Variants in UNC5D observed in about 807,000 individuals in gnomAD.
UNC5D encodes the protein unc-5 netrin receptor D.
Under a neutral mutation model 105.4 loss-of-function variants are expected in UNC5D, and 39 were observed. The observed-to-expected ratio is 0.37, with a 90% CI of 0.29 to 0.48. The LOEUF (loss-of-function observed/expected upper bound fraction) is 0.48, where lower values mean the gene tolerates loss of function less well. Among genes scored for constraint, UNC5D ranks in the 20% least tolerant of loss-of-function variants. The probability of loss-of-function intolerance (pLI) is 0.98; values close to 1 mark genes in which losing one functional copy is unlikely to be tolerated. For missense variants in UNC5D, 991 were observed against 1,202.4 expected, an observed-to-expected ratio of 0.82 and a Z score of 2.60; for synonymous variants, 452 against 450.4, an observed-to-expected ratio of 1.00 and a Z score of -0.04.
intron 1 of UNC5D, among the ~76,000 whole-genome samples, chr8:35,538,697 A>G (rs539129184): frequency 6.6e-6 from 1 of 151,896 alleles, no homozygotes; most frequent in Admixed American, 6.6e-5. Flanking sequence ...AGAGGGAATC[A>G]ATGGGGTTTA....
chr8:35,645,242 G>A (rs1017440839), intron 4 of UNC5D, among the ~76,000 whole-genome samples: 2 of 152,038 alleles, frequency 1.3e-5, no homozygotes, highest in African/African-American at 2.4e-5. Flanking sequence ...GATGCACAGG[G>A]GAATTACTTT....
chr8:35,365,409 C>T (rs1585676229), intron 1 of UNC5D, among the ~76,000 whole-genome samples: 1 of 151,728 alleles, frequency 6.6e-6, no homozygotes, highest in Admixed American at 6.6e-5. Flanking sequence ...ACTAATATAG[C>T]AATAATTCCA....
At chr8:35,650,180 G>C (rs1823315969) in intron 4 of UNC5D, among the ~76,000 whole-genome samples, 1 of 152,152 alleles carries the variant, frequency 6.6e-6, no homozygotes, top group Non-Finnish European at 1.5e-5. Context: ...ACCTGTATCA[G>C]AAAAATAATT....
chr8:35,395,264 A>G (rs989647743), intron 1 of UNC5D, among the ~76,000 whole-genome samples: 4 of 152,230 alleles, frequency 2.6e-5, no homozygotes, highest in Admixed American at 6.5e-5. Flanking sequence ...ATCTAGCACT[A>G]TAACTTGACT....
At chr8:35,782,440 T>C (rs1802544129) in intron 16 of UNC5D, among the ~76,000 whole-genome samples, 1 of 152,176 alleles carries the variant, frequency 6.6e-6, no homozygotes, top group South Asian at 2.1e-4. Context: ...AATGATGTTT[T>C]CCAGTTTATT....
chr8:35,774,926 C>CAAAAAAAAAAAAAA (rs548702956), intron 16 of UNC5D, among the ~76,000 whole-genome samples: 20 of 120,356 alleles, frequency 1.7e-4, no homozygotes, highest in African/African-American at 6.8e-4. Context: ...GACCCTCCTC[C>CAAAAAAAAAAAAAA]AAAAAAAAAA....
At chr8:35,525,091 C>T in intron 1 of UNC5D, 6 of 1,412,972 alleles carry the variant, frequency 4.2e-6, no homozygotes, top group Middle Eastern at 5.0e-4. Flanking sequence ...TATAGGATCC[C>T]TTCCCTCCCC....
intron 16 of UNC5D, among the ~76,000 whole-genome samples, chr8:35,777,418 A>C (rs1000527139): frequency 2.0e-5 from 3 of 152,224 alleles, no homozygotes; most frequent in Non-Finnish European, 2.9e-5. Context: ...CAAAACAATA[A>C]TACTAAATAA....
At chr8:35,473,298 A>G (rs1395299760) in intron 1 of UNC5D, among the ~76,000 whole-genome samples, 1 of 152,176 alleles carries the variant, frequency 6.6e-6, no homozygotes, top group Non-Finnish European at 1.5e-5. Flanking sequence ...GCTATTGCAA[A>G]TTAGCGAACT....
At chr8:35,392,567 T>A (rs1803842042) in intron 1 of UNC5D, among the ~76,000 whole-genome samples, 1 of 152,230 alleles carries the variant, frequency 6.6e-6, no homozygotes, top group Non-Finnish European at 1.5e-5. Context: ...CTATTCATTC[T>A]TCGCAAAGTT....
At chr8:35,364,542 G>A (rs555478328) in intron 1 of UNC5D, among the ~76,000 whole-genome samples, 1 of 152,244 alleles carries the variant, frequency 6.6e-6, no homozygotes, top group African/African-American at 2.4e-5. Flanking sequence ...TTACAGAATA[G>A]TATTTGGAAA....
intron 1 of UNC5D, among the ~76,000 whole-genome samples, chr8:35,271,737 ATATAT>A (rs1563268450): frequency 7.9e-6 from 1 of 126,258 alleles, no homozygotes; most frequent in African/African-American, 3.1e-5. Flanking sequence ...ATGTATACAT[ATATAT>A]TTATACATGT....
chr8:35,266,165 A>T (rs1804858522), intron 1 of UNC5D, among the ~76,000 whole-genome samples: 1 of 152,176 alleles, frequency 6.6e-6, no homozygotes, highest in African/African-American at 2.4e-5. Flanking sequence ...ACCACCTTTC[A>T]CTAAATTTGA....
At chr8:35,739,436 C>T (rs1829644142) in intron 11 of UNC5D, among the ~76,000 whole-genome samples, 1 of 152,132 alleles carries the variant, frequency 6.6e-6, no homozygotes, top group Non-Finnish European at 1.5e-5. Flanking sequence ...CACCTCAAAC[C>T]CCCTCAGTCC....
chr8:35,655,678 A>G (rs1273359661), intron 4 of UNC5D, among the ~76,000 whole-genome samples: 3 of 152,324 alleles, frequency 2.0e-5, no homozygotes, highest in Non-Finnish European at 2.9e-5. Context: ...TCTTAGATGT[A>G]TGGTATAGAC....
chr8:35,725,474 T>C lies in UNC5D; in HGVS notation c.1304-678T>C, dbSNP rs151096790. 2.9e-4 allele frequency among the ~76,000 whole-genome samples: 44 copies of C among 152,264 alleles called. 1 individual carries two copies. The East Asian group carries it at 6.6e-3, about 23-fold the overall frequency. ...GGAAACCATTCTAAGCTGCTCCCTA[T>C]GTAGAATCTAAGCTTCTCACTGTCT... On this transcript the variant is annotated intron_variant, in intron 9 of 16. Coordinates refer to ENST00000404895, the MANE Select transcript of UNC5D (RefSeq NM_080872.4).
In UNC5D at chr8:35,324,381, T is replaced by C. The variant is rs1161052038; in HGVS notation, c.103+88494T>C. Among the ~76,000 whole-genome samples, 3 of 152,046 alleles carry C rather than the reference T, an allele frequency of 2.0e-5. No individual in the cohort carries two copies. The East Asian group carries it at 5.8e-4, about 29-fold the overall frequency. On this transcript the variant is annotated intron_variant, in intron 1 of 16. Transcript: ENST00000404895. ...GAGACAAAAGGAGAAGTAATAAAAA[T>C]CCTTTCCCATTTTCTTTCCAGTTTG...
In UNC5D at chr8:35,449,324, C is replaced by G. The variant is rs372279053; in HGVS notation, c.104-99968C>G. On this transcript the variant is annotated intron_variant, in intron 1 of 16. Transcript: ENST00000404895. The stretch of plus-strand genomic sequence containing the variant: ...CTTCTTTTGCTCCCTCACCATGAGA[C>G]CTTTCCCGTGGCACCTTCCATGTCC... Among the ~76,000 whole-genome samples, 14 of 152,206 alleles carry G rather than the reference C, an allele frequency of 9.2e-5. No homozygotes were observed. In the East Asian group the frequency reaches 2.7e-3, roughly 30 times the overall value.
chr8:35,669,548 G>C (rs189313441), intron 4 of UNC5D, among the ~76,000 whole-genome samples: 1 of 151,990 alleles, frequency 6.6e-6, no homozygotes, highest in East Asian at 1.9e-4. Context: ...ATTCTTTACT[G>C]TATACACATT....
Sources: allele counts gnomAD v4.1 joint callset (sites outside exome capture counted in the v4.1 genomes callset), GRCh38; gene constraint gnomAD v4.1.1; transcripts MANE v1.5; gene names NCBI Gene and HGNC (gene_info 2026-07-23, HGNC 2026-07-21).